The following TENM3 variants were observed in gnomAD, a reference collection of about 807,000 sequenced individuals.
TENM3 encodes the protein teneurin-3.
Under a neutral mutation model 255.1 loss-of-function variants are expected in TENM3, and 63 were observed. That is an observed-to-expected ratio of 0.25 (90% CI 0.20 to 0.30). The LOEUF is 0.30. TENM3 is among the 10% of genes least tolerant of loss of function. The pLI is 1.00. For missense variants in TENM3, 2,929 were observed against 3,461.1 expected, an observed-to-expected ratio of 0.85 and a Z score of 3.86; for synonymous variants, 1,306 against 1,322.3, an observed-to-expected ratio of 0.99 and a Z score of 0.27.
At chr4:182,175,483 C>A (rs1230204995) in intron 1 of TENM3, among the ~76,000 whole-genome samples, 1 of 152,086 alleles carries the variant, frequency 6.6e-6, no homozygotes, top group East Asian at 1.9e-4. Context: ...TACAGAAGTG[C>A]TACCAGAATG....
intron 24 of TENM3, 93 bp downstream of exon 24, chr4:182,775,246 A>G (rs1764591346): frequency 8.4e-6 from 9 of 1,066,482 alleles, no homozygotes; most frequent in Non-Finnish European, 1.3e-5. Flanking sequence ...TCACCCCCCT[A>G]TGTCTACACT....
At chr4:182,746,622 G>T (rs977485339) in intron 19 of TENM3, among the ~76,000 whole-genome samples, 2 of 152,160 alleles carry the variant, frequency 1.3e-5, no homozygotes. Context: ...TGAACAAGTG[G>T]CACACTCAAA....
At chr4:182,520,960 C>T (rs756148871) in intron 3 of TENM3, among the ~76,000 whole-genome samples, 58 of 152,092 alleles carry the variant, frequency 3.8e-4, no homozygotes, top group Non-Finnish European at 4.6e-4. Context: ...AATAGAAAAT[C>T]TCCAAGTTCA....
Position 182,199,720 on chromosome 4 carries a change from C to CTTTTT in TENM3, c.-76+54985_-76+54989dup, listed in dbSNP as rs367906246. Among the ~76,000 whole-genome samples, 75 of 104,822 alleles carry CTTTTT rather than the reference C, an allele frequency of 7.2e-4. 2 individuals carry two copies. Among genetic ancestry groups the CTTTTT allele is most frequent in the East Asian group, 1.1e-3 (3 of 2,846 alleles). The allele number at this position is 104,822 out of a possible 152,430, so 68.8% of individuals were successfully genotyped here. ...TAGATGGCTTTGTGGAACATCATTGCTTTTTTTTTTTTTTTTTTTTTTTGA... is the reference window on the plus strand; with the variant it reads ...TAGATGGCTTTGTGGAACATCATTGCTTTTTTTTTTTTTTTTTTTTTTTTTTTTGA... On this transcript the variant is annotated intron_variant, in intron 1 of 2. Coordinates refer to the TENM3 transcript ENST00000512480.
At chr4:181,814,186 G>A in the TENM3 span, among the ~76,000 whole-genome samples, 2 of 152,048 alleles carry the variant, frequency 1.3e-5, no homozygotes, top group Admixed American at 6.6e-5. Flanking sequence ...TAAGGAAAAG[G>A]CAATGTGTAC....
chr4:181,832,253 C>T, the TENM3 span, among the ~76,000 whole-genome samples: 1 of 151,950 alleles, frequency 6.6e-6, no homozygotes, highest in Non-Finnish European at 1.5e-5. Flanking sequence ...TAAAATATAT[C>T]GGAAAAAGAC....
chr4:182,361,548 C>T (rs534158855), intron 3 of TENM3, among the ~76,000 whole-genome samples: 6 of 152,082 alleles, frequency 3.9e-5, no homozygotes, highest in South Asian at 4.2e-4. Context: ...ACGTAGTTCT[C>T]GAGCCTTGGC....
the TENM3 span, among the ~76,000 whole-genome samples, chr4:181,853,762 G>A: frequency 0.011 from 1,643 of 151,276 alleles, 35 homozygotes; most frequent in African/African-American, 0.037. Context: ...GGGAAAAAAC[G>A]GTCCCGGAGG....
intron 1 of TENM3, among the ~76,000 whole-genome samples, chr4:182,157,572 T>C (rs1050306458): frequency 2.6e-5 from 4 of 152,202 alleles, no homozygotes; most frequent in Non-Finnish European, 5.9e-5. Flanking sequence ...CACAAAAGGT[T>C]TGTGGCCTCT....
At chr4:182,213,950 C>A (rs113772710) in intron 1 of TENM3, among the ~76,000 whole-genome samples, 5 of 151,990 alleles carry the variant, frequency 3.3e-5, no homozygotes, top group South Asian at 2.1e-4. Context: ...TACAGGCGCC[C>A]GCCACCACGC....
rs34287537 is a variant in TENM3, at chr4:182,462,068, CTTTT to C, written c.511+115151_511+115154del. Among the ~76,000 whole-genome samples, 76 of 146,822 alleles carry C rather than the reference CTTTT, an allele frequency of 5.2e-4. 2 individuals are homozygous for C. The South Asian group carries it at 0.015, about 28-fold the overall frequency. ...CATACTCATCACAGCCTCCTCTGAG[CTTTT>C]TTTTTTTTTTTCCAAATTGAGACAG... On this transcript the variant is annotated intron_variant, in intron 3 of 27. Coordinates refer to ENST00000511685, the MANE Select transcript of TENM3 (RefSeq NM_001080477.4).
the TENM3 span, among the ~76,000 whole-genome samples, chr4:181,644,893 G>A: frequency 6.6e-6 from 1 of 152,024 alleles, no homozygotes; most frequent in South Asian, 2.1e-4. Flanking sequence ...AGCTTGAACA[G>A]CCAAATAAAA....
At chr4:181,697,464 GCT>G in the TENM3 span, among the ~76,000 whole-genome samples, 1 of 152,122 alleles carries the variant, frequency 6.6e-6, no homozygotes, top group East Asian at 1.9e-4. Flanking sequence ...CGTGATCTTG[GCT>G]CTCTGCAACC....
intron 2 of TENM3, among the ~76,000 whole-genome samples, chr4:182,338,729 G>A (rs1182718393): frequency 2.0e-5 from 3 of 152,046 alleles, no homozygotes; most frequent in Admixed American, 2.0e-4. Flanking sequence ...TGCTTTGGAT[G>A]TGAAATGGAA....
chr4:182,131,698 G>A, the TENM3 span, among the ~76,000 whole-genome samples: 2 of 152,072 alleles, frequency 1.3e-5, no homozygotes. Flanking sequence ...AATACACAAG[G>A]GGTCAATAAG....
At position 182,300,337 on chromosome 4, in the gene TENM3, C is replaced by T. The variant is rs115791218; in HGVS notation, c.-75-23609C>T. ...AGGGAGGGAGGGAACCTCTGCTGAA[C>T]ATGACAATTGGTCTCTCAGGCCATA... On this transcript the variant is annotated intron_variant, in intron 1 of 27. Transcript: ENST00000511685. Among the ~76,000 whole-genome samples the T allele has an allele frequency of 5.8e-3, 885 of 152,298 alleles. 6 individuals carry two copies. Among genetic ancestry groups the T allele is most frequent in the African/African-American group, 0.02 (835 of 41,568 alleles).
At chr4:182,242,038 T>C (rs1468753873), upstream of TENM3, among the ~76,000 whole-genome samples, 1 of 149,610 alleles carries the variant, frequency 6.7e-6, no homozygotes, top group Non-Finnish European at 1.5e-5. Flanking sequence ...TTTTTTTTAT[T>C]TTACTTTAAG....
intron 1 of TENM3, among the ~76,000 whole-genome samples, chr4:182,312,046 C>T (rs916871540): frequency 6.6e-6 from 1 of 152,222 alleles, no homozygotes; most frequent in Admixed American, 6.5e-5. Context: ...GAGCCCCAGC[C>T]TAGCCACACT....
chr4:182,744,561 G>A (rs1217003643), intron 19 of TENM3, among the ~76,000 whole-genome samples: 2 of 152,016 alleles, frequency 1.3e-5, no homozygotes, highest in Non-Finnish European at 2.9e-5. Context: ...TGACAGGTTG[G>A]GTTTTATTGG....
Sources: allele counts gnomAD v4.1 joint callset (sites outside exome capture counted in the v4.1 genomes callset), GRCh38; gene constraint gnomAD v4.1.1; transcripts MANE v1.5; gene names NCBI Gene and HGNC (gene_info 2026-07-23, HGNC 2026-07-21).